DPP10: variants seen among roughly 807,000 people sequenced by gnomAD.
DPP10 encodes inactive dipeptidyl peptidase 10.
Under a neutral mutation model 120.9 loss-of-function variants are expected in DPP10, and 33 were observed. The ratio of observed to expected loss-of-function variants is 0.27; its 90% CI spans 0.21 to 0.37. DPP10 has a LOEUF of 0.37. Ranked by LOEUF, DPP10 falls within the 10% of genes least tolerant of loss-of-function variation. DPP10 has a pLI of 1.00. For synonymous variants in DPP10, 337 were observed against 326.1 expected (o/e 1.03, Z -0.36); for missense variants, 816 against 942.8 (o/e 0.87, Z 1.76).
At chr2:114,607,203 G>T (rs374405616) in intron 1 of DPP10, among the ~76,000 whole-genome samples, 9 of 152,158 alleles carry the variant, frequency 5.9e-5, no homozygotes, top group Admixed American at 4.6e-4. Flanking sequence ...TTGAGAATGA[G>T]AAGTCCAGAG....
intron 13 of DPP10, among the ~76,000 whole-genome samples, chr2:115,774,055 C>T (rs1345096656): frequency 6.6e-6 from 1 of 151,940 alleles, no homozygotes; most frequent in Non-Finnish European, 1.5e-5. Flanking sequence ...ATCTTTTGGT[C>T]CTACACTTGA....
At chr2:115,219,036 T>C (rs1025611311) in intron 1 of DPP10, among the ~76,000 whole-genome samples, 1 of 152,186 alleles carries the variant, frequency 6.6e-6, no homozygotes, top group African/African-American at 2.4e-5. Context: ...GCATGCATTA[T>C]CTTATTTATC....
chr2:114,721,630 C>G (rs1229014046), intron 1 of DPP10, among the ~76,000 whole-genome samples: 2 of 152,198 alleles, frequency 1.3e-5, no homozygotes, highest in Non-Finnish European at 2.9e-5. Context: ...CAGATCAGCC[C>G]TGCCCAAAAG....
At chr2:115,672,674 T>C (rs200362409) in intron 5 of DPP10, among the ~76,000 whole-genome samples, 6 of 125,988 alleles carry the variant, frequency 4.8e-5, no homozygotes, top group African/African-American at 1.9e-4. Context: ...CTTTCTCTCT[T>C]TCTTTCTCTT....
intron 5 of DPP10, among the ~76,000 whole-genome samples, chr2:115,534,399 T>G (rs2078669709): frequency 1.3e-5 from 2 of 151,404 alleles, no homozygotes; most frequent in South Asian, 4.2e-4. Context: ...CTGAGAATGA[T>G]GATTTCCAAT....
intron 21 of DPP10, among the ~76,000 whole-genome samples, chr2:115,822,929 T>G (rs1268206488): frequency 6.6e-6 from 1 of 152,032 alleles, no homozygotes; most frequent in Admixed American, 6.6e-5. Flanking sequence ...TGCTTAAATT[T>G]AAAAAAATTG....
intron 2 of DPP10, among the ~76,000 whole-genome samples, chr2:115,315,977 C>T (rs917648869): frequency 6.6e-6 from 1 of 152,128 alleles, no homozygotes; most frequent in Admixed American, 6.6e-5. Flanking sequence ...ATATTTAAGC[C>T]ATATGTGATT....
At chr2:114,615,161 T>C (rs1359252822) in intron 1 of DPP10, among the ~76,000 whole-genome samples, 1 of 152,182 alleles carries the variant, frequency 6.6e-6, no homozygotes, top group African/African-American at 2.4e-5. Context: ...TTTTTTCTTC[T>C]TTTTGTTTGC....
At chr2:115,040,469 T>G (rs573987082) in intron 1 of DPP10, among the ~76,000 whole-genome samples, 1 of 152,152 alleles carries the variant, frequency 6.6e-6, no homozygotes, top group Non-Finnish European at 1.5e-5. Flanking sequence ...AGTCACAATT[T>G]GGAGCACAAA....
intron 1 of DPP10, among the ~76,000 whole-genome samples, chr2:114,932,107 G>A (rs1279199009): frequency 6.6e-6 from 1 of 152,166 alleles, no homozygotes; most frequent in Non-Finnish European, 1.5e-5. Context: ...CAGAAAAGCA[G>A]CATCTGTGTG....
intron 1 of DPP10, among the ~76,000 whole-genome samples, chr2:114,648,948 C>A (rs568832336): frequency 6.6e-6 from 1 of 152,162 alleles, no homozygotes; most frequent in African/African-American, 2.4e-5. Flanking sequence ...CCTCTGTAGA[C>A]GTGCAAGTAT....
At chr2:115,405,281 G>T (rs2068423725) in intron 3 of DPP10, among the ~76,000 whole-genome samples, 1 of 152,170 alleles carries the variant, frequency 6.6e-6, no homozygotes, top group African/African-American at 2.4e-5. Context: ...AGCCCAGCAG[G>T]GTAGACATTA....
In DPP10 at chr2:114,650,282, G is replaced by GA. The variant is rs112669292; in HGVS notation, c.60+207445dup. 5.4e-3 allele frequency among the ~76,000 whole-genome samples: 826 copies of GA among 152,310 alleles called. 4 individuals are homozygous for GA. Among genetic ancestry groups the GA allele is most frequent in the Middle Eastern group, 0.017 (5 of 294 alleles). On this transcript the variant is annotated intron_variant, in intron 1 of 25. Coordinates refer to ENST00000410059, the MANE Select transcript of DPP10 (RefSeq NM_020868.6). ...GAACTATAGAGTGAGAAAAATTAGA[G>GA]ATGGGGATCCTGTTACCTTGAAGGG...
chr2:114,842,139 G>A (rs577469128), intron 1 of DPP10, among the ~76,000 whole-genome samples: 3 of 152,212 alleles, frequency 2.0e-5, no homozygotes, highest in Non-Finnish European at 4.4e-5. Flanking sequence ...GTCTATTGAA[G>A]GTAATGGGGG....
intron 1 of DPP10, among the ~76,000 whole-genome samples, chr2:114,571,173 C>A (rs1002888845): frequency 6.6e-6 from 1 of 152,034 alleles, no homozygotes; most frequent in Non-Finnish European, 1.5e-5. Context: ...GGAGACGGGG[C>A]GTACTGGGAG....
chr2:115,054,640 C>T (rs935285696), intron 1 of DPP10, among the ~76,000 whole-genome samples: 3 of 152,088 alleles, frequency 2.0e-5, no homozygotes, highest in Non-Finnish European at 4.4e-5. Flanking sequence ...AGGCCCAGGG[C>T]GACGGCTCAT....
intron 1 of DPP10, among the ~76,000 whole-genome samples, chr2:115,133,861 T>C (rs2050511011): frequency 6.6e-6 from 1 of 152,210 alleles, no homozygotes; most frequent in African/African-American, 2.4e-5. Flanking sequence ...TACCTAGCAC[T>C]GTGTTCTACC....
intron 1 of DPP10, among the ~76,000 whole-genome samples, chr2:114,818,998 G>A (rs978663654): frequency 1.3e-5 from 2 of 152,060 alleles, no homozygotes; most frequent in African/African-American, 4.8e-5. Context: ...AATTGACTTA[G>A]TGATACGTTA....
chr2:114,881,457 G>GTCTATA (rs1553447175), intron 1 of DPP10, among the ~76,000 whole-genome samples: 2 of 144,214 alleles, frequency 1.4e-5, no homozygotes, highest in Non-Finnish European at 3.0e-5. Context: ...CTGTCTGTCT[G>GTCTATA]TCTATCTATC....
Sources: gnomAD v4.1 joint callset for allele counts (sites outside exome capture counted in the v4.1 genomes callset) on GRCh38, gnomAD v4.1.1 for gene constraint, MANE v1.5 for transcripts, NCBI Gene and HGNC (gene_info 2026-07-23, HGNC 2026-07-21) for gene names.